The following SEC24B variants were observed in gnomAD, a reference collection of about 807,000 sequenced individuals.
The protein encoded by SEC24B is SEC24 homolog B, COPII component.
A neutral mutation model predicts 142.8 loss-of-function variants in SEC24B; 45 were observed. The ratio of observed to expected loss-of-function variants is 0.32; its 90% confidence interval spans 0.25 to 0.40. The LOEUF (loss-of-function observed/expected upper bound fraction) is 0.40, where lower values mean the gene tolerates loss of function less well. Ranked by LOEUF, SEC24B falls within the 10% of genes least tolerant of loss-of-function variation. The probability of loss-of-function intolerance (pLI) is 1.00; values close to 1 mark genes in which losing one functional copy is unlikely to be tolerated. For missense variants in SEC24B, 1,409 were observed against 1,526.8 expected (o/e 0.92, Z 1.29); for synonymous variants, 574 against 568.2 (o/e 1.01, Z -0.15).
At chr4:109,476,350 G>C (rs940958217) in intron 3 of SEC24B, among the ~76,000 whole-genome samples, 5 of 152,044 alleles carry the variant, frequency 3.3e-5, no homozygotes, top group African/African-American at 9.7e-5. Context: ...ATGAATTTTG[G>C]TATTTATGTG....
Position 109,540,534 on chromosome 4 carries a change from T to A in SEC24B, c.*859T>A, listed in dbSNP as rs1423733914. 2 of 152,164 alleles carry A rather than the reference T, an allele frequency of 1.3e-5. No homozygotes were observed. The highest frequency in any genetic ancestry group is 2.1e-4 in the South Asian group (1 of 4,832). 9.4% of individuals were successfully genotyped at this position (152,164 alleles called of 1,614,324 possible). Reference sequence around the variant, plus strand: ...TTGGTGGGTTTTTTTACATACAGGATGTATTGAATTTACTAATTGGGGAAG... The same window carrying A: ...TTGGTGGGTTTTTTTACATACAGGAAGTATTGAATTTACTAATTGGGGAAG... On this transcript the variant is annotated 3_prime_UTR_variant, in exon 24 of 24. Coordinates refer to ENST00000265175, the MANE Select transcript of SEC24B (RefSeq NM_006323.5).
chr4:109,513,228 C>A (rs1380484781), intron 9 of SEC24B, among the ~76,000 whole-genome samples: 1 of 151,526 alleles, frequency 6.6e-6, no homozygotes, highest in East Asian at 1.9e-4. Context: ...CCCGCCTCAG[C>A]CTCCCAAAAT....
At chr4:109,539,066 A>C (rs1479938620) in intron 23 of SEC24B, among the ~76,000 whole-genome samples, 1 of 151,764 alleles carries the variant, frequency 6.6e-6, no homozygotes, top group Non-Finnish European at 1.5e-5. Flanking sequence ...GATTCAAGCG[A>C]TTCGCCTGCC....
At chr4:109,520,321 T>C (rs760671830) in intron 11 of SEC24B, 45 bp from the exon 12 acceptor site, 3 of 1,089,338 alleles carry the variant, frequency 2.8e-6, no homozygotes, top group East Asian at 2.4e-5. Context: ...AAATGAAATA[T>C]GTTACTGAGC....
chr4:109,481,066 G>A (rs1733690880), intron 3 of SEC24B, among the ~76,000 whole-genome samples: 1 of 152,114 alleles, frequency 6.6e-6, no homozygotes, highest in East Asian at 1.9e-4. Flanking sequence ...TCAGTTTTCT[G>A]TAATTCTCAC....
chr4:109,507,098 C>G lies in SEC24B; in HGVS notation c.1673+586C>G, dbSNP rs1736766430. On this transcript the variant is annotated intron_variant, in intron 7 of 23. Coordinates refer to ENST00000265175, the MANE Select transcript of SEC24B (RefSeq NM_006323.5). The stretch of plus-strand genomic sequence containing the variant: ...CCTGGTGTACCTTTGTGTGAATGAG[C>G]TCTGTTACTCACTTCACAGTGCCTC... 2.0e-5 allele frequency among the ~76,000 whole-genome samples: 3 copies of G among 152,158 alleles called. No individual in the cohort carries two copies. In the South Asian group the frequency reaches 6.2e-4, roughly 32 times the overall value.
chr4:109,444,620 A>G (rs1051652881), intron 1 of SEC24B, among the ~76,000 whole-genome samples: 5 of 152,198 alleles, frequency 3.3e-5, no homozygotes, highest in African/African-American at 9.6e-5. Context: ...AGGTTATGCT[A>G]CTGAGACAGA....
At chr4:109,475,247 CTTCT>C (rs1270837198) in intron 3 of SEC24B, among the ~76,000 whole-genome samples, 1 of 152,150 alleles carries the variant, frequency 6.6e-6, no homozygotes, top group African/African-American at 2.4e-5. Context: ...CTCTTAGTGA[CTTCT>C]TTGTCTTTGG....
rs1728111305 is a variant in SEC24B at position 109,433,956 on chromosome 4, A to G, written c.87A>G (p.Ala29=). The change falls in exon 1 of 24, where the codon GCA becomes GCG. Residue 29 remains alanine (A), a synonymous_variant. Transcript: ENST00000265175. ...KFGGAAVSGA[A]APAGPGAGPA... Reference sequence around the variant, plus strand: ...GCGGAGCGGCCGTCTCAGGAGCCGCAGCGCCCGCGGGCCCGGGTGCGGGCC... The same window carrying G: ...GCGGAGCGGCCGTCTCAGGAGCCGCGGCGCCCGCGGGCCCGGGTGCGGGCC... 1.6e-6 allele frequency: 2 copies of G among 1,239,270 alleles called. No homozygotes were observed. Among genetic ancestry groups the G allele is most frequent in the East Asian group, 3.4e-5 (1 of 29,744 alleles). 76.8% of individuals were successfully genotyped at this position (1,239,270 alleles called of 1,614,324 possible).
At chr4:109,504,969 A>G (rs1198023495) in intron 6 of SEC24B, among the ~76,000 whole-genome samples, 1 of 152,156 alleles carries the variant, frequency 6.6e-6, no homozygotes, top group East Asian at 1.9e-4. Context: ...ACATTTTTTT[A>G]GTTGAAAAGG....
At position 109,486,420 on chromosome 4, in the gene SEC24B, T is replaced by C. The variant is rs1178210071; in HGVS notation, c.1165+4639T>C. 2.0e-5 allele frequency among the ~76,000 whole-genome samples: 3 copies of C among 152,234 alleles called. No individual in the cohort carries two copies. In the East Asian group the frequency reaches 5.8e-4, roughly 29 times the overall value. On this transcript the variant is annotated intron_variant, in intron 4 of 23. Transcript: ENST00000265175. ...GAGACAGAAAACAGCTTAAGCCTTT[T>C]TTTAAAGGCTTAATTGCTTTCTGAT...
intron 23 of SEC24B, among the ~76,000 whole-genome samples, chr4:109,539,272 A>ATT (rs368386488): frequency 4.2e-5 from 6 of 143,508 alleles, no homozygotes; most frequent in African/African-American, 1.3e-4. Context: ...AATTTTAAAA[A>ATT]TTTTTTTTTT....
At chr4:109,488,558 A>G (rs889154050) in intron 4 of SEC24B, 2 of 152,586 alleles carry the variant, frequency 1.3e-5, no homozygotes, top group Non-Finnish European at 2.9e-5. Flanking sequence ...TGTTATGAAT[A>G]CTCCTGCTGT....
At chr4:109,533,749 C>A in intron 22 of SEC24B, 64 bp downstream of exon 22, 1 of 965,112 alleles carries the variant, frequency 1.0e-6, no homozygotes, top group South Asian at 1.4e-5. Flanking sequence ...ATGTAAAATT[C>A]ATGTAATATT....
chr4:109,526,774 T>G (rs912474298), intron 17 of SEC24B, among the ~76,000 whole-genome samples: 3 of 152,194 alleles, frequency 2.0e-5, no homozygotes, highest in African/African-American at 7.2e-5. Context: ...AGGATATAAT[T>G]TAGAATGAGT....
chr4:109,487,276 T>C (rs1734471260), intron 4 of SEC24B, among the ~76,000 whole-genome samples: 1 of 151,824 alleles, frequency 6.6e-6, no homozygotes, highest in African/African-American at 2.4e-5. Context: ...TGACAAAGGA[T>C]TTGAAATTTG....
chr4:109,470,849 T>C (rs1429739074), intron 2 of SEC24B, among the ~76,000 whole-genome samples: 1 of 152,194 alleles, frequency 6.6e-6, no homozygotes, highest in Admixed American at 6.5e-5. Flanking sequence ...ACCTGCAGTA[T>C]GTTATTGTTA....
intron 7 of SEC24B, among the ~76,000 whole-genome samples, chr4:109,507,067 C>T (rs954965910): frequency 6.6e-6 from 1 of 152,172 alleles, no homozygotes; most frequent in African/African-American, 2.4e-5. Context: ...CTGGCAACCA[C>T]CAAGCCCTGG....
chr4:109,483,644 A>G (rs920845466), intron 4 of SEC24B, among the ~76,000 whole-genome samples: 2 of 152,202 alleles, frequency 1.3e-5, no homozygotes, highest in Admixed American at 6.5e-5. Context: ...TCTGCAAACA[A>G]TCATTTTAAC....
Sources: gnomAD v4.1 joint callset for allele counts (sites outside exome capture counted in the v4.1 genomes callset) on GRCh38, gnomAD v4.1.1 for gene constraint, MANE v1.5 for transcripts, NCBI Gene and HGNC (gene_info 2026-07-23, HGNC 2026-07-21) for gene names.